CELSR2: variants seen among roughly 807,000 people sequenced by gnomAD.
CELSR2 encodes the protein cadherin EGF LAG seven-pass G-type receptor 2.
A neutral mutation model predicts 251.6 loss-of-function variants in CELSR2; 81 were observed. The observed-to-expected ratio is 0.32, with a 90% CI of 0.27 to 0.39. The LOEUF (loss-of-function observed/expected upper bound fraction) is 0.39, where lower values mean the gene tolerates loss of function less well. Among genes scored for constraint, CELSR2 ranks in the 10% least tolerant of loss-of-function variants. CELSR2 has a pLI of 1.00. For missense variants in CELSR2, 3,365 were observed against 3,947.7 expected (o/e 0.85, Z 3.96); for synonymous variants, 1,721 against 1,670.5 (o/e 1.03, Z -0.74).
Position 109,250,677 on chromosome 1 carries a change from G to T in CELSR2, c.598G>T (p.Val200Phe), listed in dbSNP as rs1225253786. Residue 200 changes from valine (V) to phenylalanine (F), a missense_variant, in exon 1 of 34, where the codon GTT becomes TTT. Around this residue, in one of 5 missense-constraint regions of CELSR2, gnomAD observed 704 missense variants for 784.1 expected, o/e 0.90. Transcript: ENST00000271332. This position sits in a 1 kb window ranked among gnomAD's most constrained non-coding sequence, Gnocchi z 4.4. The stretch of plus-strand genomic sequence containing the variant: ...GGAGAACCAGCCAGCAGGCACCCCT[G>T]TTGCATCCCTGAGGGCCATCGACCC... ...VPENQPAGTP[V>F]ASLRAIDPDE... is the part of the protein sequence containing the mutation. 1.2e-6 allele frequency: 2 copies of T among 1,614,126 alleles called. No individual in the cohort carries two copies. The highest frequency in any genetic ancestry group is 2.2e-5 in the South Asian group (2 of 91,088).
intron 24 of CELSR2, 66 bp from the exon 25 acceptor site, chr1:109,270,861 C>A: frequency 8.3e-7 from 1 of 1,207,118 alleles, no homozygotes; most frequent in South Asian, 1.3e-5. Flanking sequence ...AGCCCACCTG[C>A]CCGCAGCCCT....
In CELSR2 at chr1:109,263,203, G is replaced by T; in HGVS notation, c.4770G>T (p.Val1590=). 1 of 1,599,090 alleles carries T rather than the reference G, an allele frequency of 6.3e-7. No homozygotes were observed. Among genetic ancestry groups the T allele is most frequent in the South Asian group, 1.1e-5 (1 of 90,680 alleles). The change falls in exon 8 of 34, where the codon GTG becomes GTT. Residue 1590 remains valine, a synonymous_variant. Transcript: ENST00000271332. ...SNTCHNGGTC[V]NQWDAFSCEC... is the part of the protein sequence containing the mutation. ...CTTGCCACAATGGGGGCACTTGCGT[G>T]AACCAGTGGGACGCGTTCAGCTGCG...
chr1:109,261,281 T>G lies in CELSR2; in HGVS notation c.4181+17T>G, dbSNP rs1234093402. 4 of 1,608,418 alleles carry G rather than the reference T, an allele frequency of 2.5e-6. No individual in the cohort carries two copies. The highest frequency in any genetic ancestry group is 2.2e-5 in the East Asian group (1 of 44,840). ...GGCCCTCTCGTGAGTGGCTGGGCAC[T>G]GGGGGTGGGGAGTGGGCCTGGTGGG... On this transcript the variant is annotated intron_variant, in intron 3 of 33. Transcript: ENST00000271332. The surrounding 1 kb of genome is among the most constrained non-coding windows in gnomAD (Gnocchi z 4.8).
Position 109,252,775 on chromosome 1 carries a change from C to T in CELSR2, c.2696C>T (p.Pro899Leu), listed in dbSNP as rs915968408. The T allele has an allele frequency of 6.2e-7, 1 of 1,613,994 alleles. No individual in the cohort carries two copies. Among genetic ancestry groups the T allele is most frequent in the Non-Finnish European group, 8.5e-7 (1 of 1,180,038 alleles). ...LRAYAVDKGMPPARTPMEVTV... is the reference protein window; with the variant it reads ...LRAYAVDKGMLPARTPMEVTV... ...GCATATGCAGTGGACAAGGGGATGC[C>T]CCCAGCCCGCACACCTATGGAAGTG... The change falls in exon 1 of 34, where the codon CCC becomes CTC. Residue 899 changes from proline (P) to leucine (L), a missense_variant. This residue lies in a region of CELSR2 where 505 missense variants were observed against 660.0 expected (regional missense o/e 0.77). Transcript: ENST00000271332. The surrounding 1 kb of genome is among the most constrained non-coding windows in gnomAD (Gnocchi z 4.8).
At position 109,251,522 on chromosome 1, in the gene CELSR2, T is replaced by A; in HGVS notation, c.1443T>A (p.Arg481=). 6.2e-7 allele frequency: 1 copy of A among 1,613,240 alleles called. No homozygotes were observed. The highest frequency in any genetic ancestry group is 8.5e-7 in the Non-Finnish European group (1 of 1,179,942). Reference sequence around the variant, plus strand: ...GGGTGCGAGCACAGGATGGTGGCCGTCCCCCACTCTCTAATGTCTCTGGCT... The same window carrying A: ...GGGTGCGAGCACAGGATGGTGGCCGACCCCCACTCTCTAATGTCTCTGGCT... The part of the protein sequence containing the change: ...TLRVRAQDGG[R]PPLSNVSGLV... Residue 481 remains arginine, a synonymous_variant, in exon 1 of 34, where the codon CGT becomes CGA. Coordinates refer to ENST00000271332, the MANE Select transcript of CELSR2 (RefSeq NM_001408.3). This position sits in a 1 kb window ranked among gnomAD's most constrained non-coding sequence, Gnocchi z 4.9.
intron 2 of CELSR2, among the ~76,000 whole-genome samples, chr1:109,259,581 G>A (rs185185208): frequency 6.6e-6 from 1 of 152,310 alleles, no homozygotes; most frequent in East Asian, 1.9e-4. Context: ...CCGGTTTAGA[G>A]GTGAGGCTGG....
At chr1:109,253,500 C>G (rs1053994560) in intron 1 of CELSR2, 111 bp downstream of exon 1, 2 of 1,468,270 alleles carry the variant, frequency 1.4e-6, no homozygotes, top group African/African-American at 2.8e-5. Flanking sequence ...CACCTCCCTG[C>G]CCAGTGCCTG....
At position 109,252,798 on chromosome 1, in the gene CELSR2, G is replaced by A. The variant is rs1429786380; in HGVS notation, c.2719G>A (p.Val907Met). ...GMPPARTPME[V>M]TVTVLDVNDN... The stretch of plus-strand genomic sequence containing the variant: ...GCCCCCAGCCCGCACACCTATGGAA[G>A]TGACAGTCACTGTGTTGGATGTGAA... The change falls in exon 1 of 34, where the codon GTG becomes ATG. Residue 907 changes from valine (V) to methionine (M), a missense_variant. Transcript: ENST00000271332. This position sits in a 1 kb window ranked among gnomAD's most constrained non-coding sequence, Gnocchi z 4.8. 6.2e-7 allele frequency: 1 copy of A among 1,614,044 alleles called. No homozygotes were observed. The highest frequency in any genetic ancestry group is 1.1e-5 in the South Asian group (1 of 91,086).
chr1:109,263,830 C>T (rs1016959668), intron 9 of CELSR2, 53 bp downstream of exon 9: 3 of 1,579,870 alleles, frequency 1.9e-6, no homozygotes, highest in Non-Finnish European at 8.6e-7. Context: ...CCCTGGTAGC[C>T]TCTAGGCGGC....
At chr1:109,272,151 G>A in intron 28 of CELSR2, 127 bp from the exon 29 acceptor site, 1 of 1,240,112 alleles carries the variant, frequency 8.1e-7, no homozygotes, top group Non-Finnish European at 1.1e-6. Flanking sequence ...GAGAAGCAGG[G>A]CCCTCTCTTT....
rs1655753787 is a variant in CELSR2, at chr1:109,253,346, C to A, written c.3267C>A (p.Asp1089Glu). The change falls in exon 1 of 34, where the codon GAC becomes GAA. Residue 1089 changes from aspartate to glutamate, a missense_variant. Asp to Glu is a conservative substitution (Grantham distance 45, BLOSUM62 2). Transcript: ENST00000271332. ...AGCTGAAGCTAAGCCGCGCACTGGA[C>A]AACAACCGGCCTCTGGAGGCCATCA... ...TGELKLSRALDNNRPLEAIMS... is the reference protein window; with the variant it reads ...TGELKLSRALENNRPLEAIMS... 1.2e-6 allele frequency: 2 copies of A among 1,613,316 alleles called. No homozygotes were observed. The highest frequency in any genetic ancestry group is 2.2e-5 in the East Asian group (1 of 44,890).
In CELSR2 at chr1:109,268,625, G is replaced by A; in HGVS notation, c.6363G>A (p.Lys2121=). ...VGSALLDTAN[K]RHWELIQQTE... is the part of the protein sequence containing the mutation. Reference sequence around the variant, plus strand: ...GCGCCCTCCTGGACACAGCCAACAAGCGGCACTGGGAGCTGATCCAGCAGA... The same window carrying A: ...GCGCCCTCCTGGACACAGCCAACAAACGGCACTGGGAGCTGATCCAGCAGA... Residue 2121 remains lysine (K), a synonymous_variant, in exon 18 of 34, where the codon AAG becomes AAA. Coordinates refer to ENST00000271332, the MANE Select transcript of CELSR2 (RefSeq NM_001408.3). The A allele has an allele frequency of 4.3e-6, 7 of 1,613,802 alleles. No homozygotes were observed. The highest frequency in any genetic ancestry group is 5.9e-6 in the Non-Finnish European group (7 of 1,179,950).
In CELSR2 at chr1:109,271,428, C is replaced by T. The variant is rs372638774; in HGVS notation, c.7719C>T (p.Ser2573=). 135 of 1,614,020 alleles carry T rather than the reference C, an allele frequency of 8.4e-5. 1 individual carries two copies. Among genetic ancestry groups the T allele is most frequent in the Middle Eastern group, 6.6e-4 (4 of 6,062 alleles). ...CCTTCGCCGTCCTCCTGCTGCTGAG[C>T]GCCACGTGGCTGCTGGCACTGCTCT... ...QPSFAVLLLL[S]ATWLLALLSV... Residue 2573 remains serine (S), a synonymous_variant, in exon 27 of 34, where the codon AGC becomes AGT. Coordinates refer to ENST00000271332, the MANE Select transcript of CELSR2 (RefSeq NM_001408.3).
Position 109,261,344 on chromosome 1 carries a change from G to T in CELSR2, c.4181+80G>T. 6.8e-7 allele frequency: 1 copy of T among 1,466,210 alleles called. No homozygotes were observed. Among genetic ancestry groups the T allele is most frequent in the South Asian group, 1.2e-5 (1 of 83,574 alleles). 90.8% of individuals were successfully genotyped at this position (1,466,210 alleles called of 1,614,324 possible). A position where few individuals can be genotyped will look rare whatever the true frequency, so the allele number is the denominator to read the frequency against. On this transcript the variant is annotated intron_variant, in intron 3 of 33. Transcript: ENST00000271332. This position sits in a 1 kb window ranked among gnomAD's most constrained non-coding sequence, Gnocchi z 4.8. ...CTCCTGTTCTGTGGTTGAAGTAAGA[G>T]GTCAGGCAGTGAAAGCGTGGAGCAG...
At position 109,251,337 on chromosome 1, in the gene CELSR2, C is replaced by A. The variant is rs773741912; in HGVS notation, c.1258C>A (p.Arg420=). ...EDVTPGAPVL[R]VTASDRDKGS... ...TGTGACTCCAGGGGCCCCAGTACTC[C>A]GAGTCACAGCCTCGGATCGAGACAA... Residue 420 remains arginine (R), a synonymous_variant, in exon 1 of 34, where the codon CGA becomes AGA. Transcript: ENST00000271332. This position sits in a 1 kb window ranked among gnomAD's most constrained non-coding sequence, Gnocchi z 4.9. 5 of 1,614,100 alleles carry A rather than the reference C, an allele frequency of 3.1e-6. No homozygotes were observed. In the East Asian group the frequency reaches 1.1e-4, roughly 36 times the overall value.
chr1:109,265,676 C>A (rs975562620), intron 13 of CELSR2, 59 bp from the exon 14 acceptor site: 22 of 1,570,678 alleles, frequency 1.4e-5, no homozygotes, highest in Non-Finnish European at 1.9e-5. Flanking sequence ...TGAGAAGGAC[C>A]CATGAGCATC....
rs753717944 is a variant in CELSR2, at chr1:109,261,642, C to T, written c.4297+14C>T. 16 of 1,603,120 alleles carry T rather than the reference C, an allele frequency of 1.0e-5. No homozygotes were observed. Among genetic ancestry groups the T allele is most frequent in the Non-Finnish European group, 1.3e-5 (15 of 1,169,988 alleles). Reference sequence around the variant, plus strand: ...CCTTCTCTGCAGGTGATCACAGTTGCCCCCCATCCTTGCCCATCTTCCAAA... The same window carrying T: ...CCTTCTCTGCAGGTGATCACAGTTGTCCCCCATCCTTGCCCATCTTCCAAA... On this transcript the variant is annotated intron_variant, in intron 4 of 33. Transcript: ENST00000271332. This position sits in a 1 kb window ranked among gnomAD's most constrained non-coding sequence, Gnocchi z 4.8.
chr1:109,250,292 C>T lies in CELSR2; in HGVS notation c.213C>T (p.Arg71=). The change falls in exon 1 of 34, where the codon CGC becomes CGT. Residue 71 remains arginine, a synonymous_variant. Coordinates refer to ENST00000271332, the MANE Select transcript of CELSR2 (RefSeq NM_001408.3). This position sits in a 1 kb window ranked among gnomAD's most constrained non-coding sequence, Gnocchi z 4.4. ...CGAACCTCTGGCTCTACACCAGCCG[C>T]TGCAGGGATGCGGGCACTGAGCTGA... The part of the protein sequence containing the change: ...SASNLWLYTS[R]CRDAGTELTG... The T allele has an allele frequency of 6.2e-7, 1 of 1,613,342 alleles. No individual in the cohort carries two copies. The highest frequency in any genetic ancestry group is 8.5e-7 in the Non-Finnish European group (1 of 1,180,018).
rs151136134 is a variant in CELSR2 at position 109,252,611 on chromosome 1, T to C, written c.2532T>C (p.Ser844=). 6.0e-4 allele frequency: 971 copies of C among 1,613,928 alleles called. 7 individuals are homozygous for C. In the African/African-American group the frequency reaches 0.011, roughly 18 times the overall value. The part of the protein sequence containing the change: ...VLQISATDRD[S]GLNGRVFYTF... The stretch of plus-strand genomic sequence containing the variant: ...AGATCTCAGCCACTGATCGTGATTC[T>C]GGACTTAATGGCAGGGTCTTCTACA... The change falls in exon 1 of 34, where the codon TCT becomes TCC. Residue 844 remains serine (S), a synonymous_variant. Coordinates refer to ENST00000271332, the MANE Select transcript of CELSR2 (RefSeq NM_001408.3). This position sits in a 1 kb window ranked among gnomAD's most constrained non-coding sequence, Gnocchi z 4.8.
Sources: gnomAD v4.1 joint callset for allele counts (sites outside exome capture counted in the v4.1 genomes callset) on GRCh38, gnomAD v4.1.1 for gene constraint, gnomAD v4.1.1 regional missense constraint, Gnocchi (gnomAD v3.1) non-coding constraint, MANE v1.5 for transcripts, NCBI Gene and HGNC (gene_info 2026-07-23, HGNC 2026-07-21) for gene names.